Variants in CTSS observed in about 807,000 individuals in gnomAD.
CTSS encodes cathepsin S.
CTSS carries 15 observed loss-of-function variants against 39.9 expected under a neutral mutation model. The ratio of observed to expected loss-of-function variants is 0.38; its 90% confidence interval spans 0.25 to 0.58. The LOEUF is 0.58. CTSS is among the 20% of genes least tolerant of loss of function. CTSS has a pLI of 0.70. For missense variants in CTSS, 250 were observed against 398.2 expected (o/e 0.63, Z 3.17); for synonymous variants, 126 against 138.2 (o/e 0.91, Z 0.62).
At chr1:150,757,669 AAGC>A (rs2101924698) in intron 3 of CTSS, among the ~76,000 whole-genome samples, 186 bp downstream of exon 3, 1 of 152,358 alleles carries the variant, frequency 6.6e-6, no homozygotes, top group East Asian at 1.9e-4. Flanking sequence ...TAAAGAAAGA[AAGC>A]AGTCAAAATA....
intron 4 of CTSS, among the ~76,000 whole-genome samples, chr1:150,752,468 TC>T (rs979092106): frequency 6.6e-6 from 1 of 152,186 alleles, no homozygotes; most frequent in Admixed American, 6.5e-5. Context: ...TTTGTTATCT[TC>T]AGAATTTTTT....
chr1:150,738,234 C>G (rs1357389873), intron 7 of CTSS, among the ~76,000 whole-genome samples: 1 of 152,190 alleles, frequency 6.6e-6, no homozygotes, highest in Non-Finnish European at 1.5e-5. Flanking sequence ...GGCTTGAACT[C>G]TAATGGTAAC....
At chr1:150,763,685 G>T (rs1277037971) in intron 2 of CTSS, among the ~76,000 whole-genome samples, 1 of 152,082 alleles carries the variant, frequency 6.6e-6, no homozygotes, top group Admixed American at 6.6e-5. Flanking sequence ...CTTACAAACA[G>T]AAATATTACA....
intron 2 of CTSS, among the ~76,000 whole-genome samples, chr1:150,758,585 G>A (rs1467331491): frequency 6.6e-6 from 1 of 151,436 alleles, no homozygotes; most frequent in Non-Finnish European, 1.5e-5. Flanking sequence ...CGGCTGGATG[G>A]AGTGCAGTGA....
intron 1 of CTSS, among the ~76,000 whole-genome samples, chr1:150,765,102 A>T (rs1285817597): frequency 7.4e-5 from 8 of 107,798 alleles, no homozygotes; most frequent in Non-Finnish European, 1.0e-4. Flanking sequence ...TCTCTCTCTC[A>T]AAAAAAAAAA....
intron 7 of CTSS, among the ~76,000 whole-genome samples, chr1:150,739,801 TA>T (rs1451946846): frequency 6.6e-6 from 1 of 152,222 alleles, no homozygotes; most frequent in African/African-American, 2.4e-5. Flanking sequence ...AACATGCCCT[TA>T]AGCGAAAACC....
At position 150,760,650 on chromosome 1, in the gene CTSS, G is replaced by A. The variant is rs587660003; in HGVS notation, c.127-2670C>T. Among the ~76,000 whole-genome samples the A allele has an allele frequency of 2.6e-5, 4 of 152,222 alleles. No homozygotes were observed. In the South Asian group the frequency reaches 8.3e-4, roughly 32 times the overall value. On this transcript the variant is annotated intron_variant, in intron 2 of 7. Coordinates refer to ENST00000368985, the MANE Select transcript of CTSS (RefSeq NM_004079.5). ...TGCCTGTACTTTGGGAGGTTGAGGTGGGAGGATTGTGTGAATCTAGGAGTT... is the reference window on the plus strand; with the variant it reads ...TGCCTGTACTTTGGGAGGTTGAGGTAGGAGGATTGTGTGAATCTAGGAGTT...
Position 150,732,826 on chromosome 1 carries a change from C to T in CTSS, c.*220G>A, listed in dbSNP as rs1652552474. ...GTTTCACCATGTTAGCCAGGCTGCT[C>T]TTTAACTCCTGGCCTCAAGTTGATA... On this transcript the variant is annotated 3_prime_UTR_variant, in exon 8 of 8. Coordinates refer to ENST00000368985, the MANE Select transcript of CTSS (RefSeq NM_004079.5). 1 of 347,164 alleles carries T rather than the reference C, an allele frequency of 2.9e-6. No homozygotes were observed. Among genetic ancestry groups the T allele is most frequent in the East Asian group, 5.9e-5 (1 of 16,916 alleles). 21.5% of individuals were successfully genotyped at this position (347,164 alleles called of 1,614,324 possible). A position where few individuals can be genotyped will look rare whatever the true frequency, so the allele number is the denominator to read the frequency against.
chr1:150,760,330 A>G (rs1653227580), intron 2 of CTSS, among the ~76,000 whole-genome samples: 1 of 152,220 alleles, frequency 6.6e-6, no homozygotes, highest in Admixed American at 6.5e-5. Flanking sequence ...CATTCTCAAC[A>G]AATTACATAT....
In CTSS at chr1:150,757,984, A is replaced by G; in HGVS notation, c.127-4T>C. The G allele has an allele frequency of 6.2e-7, 1 of 1,612,992 alleles. No homozygotes were observed. Among genetic ancestry groups the G allele is most frequent in the Non-Finnish European group, 8.5e-7 (1 of 1,179,534 alleles). On this transcript the variant is annotated splice_polypyrimidine_tract_variant and splice_region_variant and intron_variant, in intron 2 of 7. Transcript: ENST00000368985. Reference sequence around the variant, plus strand: ...GACGTCGTACTGCTTCTTCATTCTAAAACATAATGAAGAAGAACATAGTCA... The same window carrying G: ...GACGTCGTACTGCTTCTTCATTCTAGAACATAATGAAGAAGAACATAGTCA...
At chr1:150,740,312 T>C in intron 7 of CTSS, among the ~76,000 whole-genome samples, 1 of 152,328 alleles carries the variant, frequency 6.6e-6, no homozygotes. Context: ...GAGATAGTAT[T>C]TGAGGCAGGA....
At chr1:150,745,414 G>A (rs1652873975) in intron 7 of CTSS, among the ~76,000 whole-genome samples, 1 of 152,100 alleles carries the variant, frequency 6.6e-6, no homozygotes, top group Admixed American at 6.6e-5. Context: ...TAATCCCAGT[G>A]CTCTGGGAGA....
chr1:150,748,100 G>T (rs587735472), intron 6 of CTSS: 4 of 380,916 alleles, frequency 1.1e-5, no homozygotes, highest in African/African-American at 4.3e-5. Context: ...GACCATCCTG[G>T]CCAACATGGT....
chr1:150,737,499 A>G (rs1652660817), intron 7 of CTSS, among the ~76,000 whole-genome samples: 1 of 152,120 alleles, frequency 6.6e-6, no homozygotes, highest in Admixed American at 6.6e-5. Flanking sequence ...AGAAAGTCCT[A>G]TGTCCCAGAA....
intron 7 of CTSS, among the ~76,000 whole-genome samples, chr1:150,740,705 T>A (rs183360003): frequency 6.6e-6 from 1 of 151,672 alleles, no homozygotes. Flanking sequence ...TTCCTTTTTT[T>A]TTCGAGATAG....
intron 2 of CTSS, 53 bp from the exon 3 acceptor site, chr1:150,758,033 GT>G: frequency 6.5e-7 from 1 of 1,532,686 alleles, no homozygotes; most frequent in Non-Finnish European, 8.8e-7. Flanking sequence ...ACAAATAAGT[GT>G]TTGATGATGA....
intron 4 of CTSS, among the ~76,000 whole-genome samples, chr1:150,752,920 C>G (rs1239239487): frequency 3.3e-5 from 5 of 152,172 alleles, no homozygotes; most frequent in Non-Finnish European, 7.3e-5. Flanking sequence ...GTGGTGTGAT[C>G]ATGGCTCACT....
chr1:150,751,258 T>C (rs1652999547), intron 5 of CTSS, among the ~76,000 whole-genome samples: 1 of 152,088 alleles, frequency 6.6e-6, no homozygotes, highest in Non-Finnish European at 1.5e-5. Context: ...TTAAAATCTG[T>C]TTAATTTTGG....
intron 2 of CTSS, among the ~76,000 whole-genome samples, chr1:150,762,372 G>A (rs1025455972): frequency 6.6e-6 from 1 of 152,056 alleles, no homozygotes; most frequent in East Asian, 1.9e-4. Context: ...TCCGGGCAAC[G>A]GTTTTTTGAA....
Sources: gnomAD v4.1 joint callset for allele counts (sites outside exome capture counted in the v4.1 genomes callset) on GRCh38, gnomAD v4.1.1 for gene constraint, MANE v1.5 for transcripts, NCBI Gene and HGNC (gene_info 2026-07-23, HGNC 2026-07-21) for gene names.